The following WDR41 variants were observed in gnomAD, a reference collection of about 807,000 sequenced individuals.
WDR41 encodes WD repeat domain 41.
In WDR41, 63 loss-of-function variants were observed where a neutral mutation model predicts 69.3. The ratio of observed to expected loss-of-function variants is 0.91; its 90% confidence interval spans 0.74 to 1.12. The LOEUF (loss-of-function observed/expected upper bound fraction) is 1.12. Ranked by LOEUF, WDR41 falls within the 50% of genes most tolerant of loss-of-function variation. WDR41 has a pLI of 0.00. For synonymous variants in WDR41, 185 were observed against 192.1 expected, an observed-to-expected ratio of 0.96 and a Z score of 0.31; for missense variants, 543 against 534.5, an observed-to-expected ratio of 1.02 and a Z score of -0.16.
chr5:77,461,652 A>G (rs1217832157), intron 4 of WDR41, among the ~76,000 whole-genome samples: 1 of 152,118 alleles, frequency 6.6e-6, no homozygotes, highest in Non-Finnish European at 1.5e-5. Context: ...CCTGGCCAAT[A>G]TGGTGAAACC....
chr5:77,599,078 A>C lies in WDR41; in HGVS notation c.42+21401T>G, dbSNP rs550243096. ...TACTAATATTTCTAAAAAGTCTAAA[A>C]CCAGTTGCATATGTTCCTTTAATGA... On this transcript the variant is annotated intron_variant, in intron 1 of 5. Transcript: ENST00000509971. Among the ~76,000 whole-genome samples, 37 of 151,752 alleles carry C rather than the reference A, an allele frequency of 2.4e-4. 1 individual carries two copies. The highest frequency in any genetic ancestry group is 8.2e-4 in the African/African-American group (34 of 41,368).
At chr5:77,479,294 A>C (rs1237025322) in intron 2 of WDR41, among the ~76,000 whole-genome samples, 1 of 151,892 alleles carries the variant, frequency 6.6e-6, no homozygotes, top group Non-Finnish European at 1.5e-5. Context: ...GCTACCAATG[A>C]CTTTCTTCAC....
intron 9 of WDR41, among the ~76,000 whole-genome samples, chr5:77,440,304 A>T (rs1284833363): frequency 6.6e-6 from 1 of 152,220 alleles, no homozygotes; most frequent in East Asian, 1.9e-4. Flanking sequence ...AAGATTCAGT[A>T]GTCCATTGGT....
At chr5:77,449,930 C>A (rs1581705563) in intron 7 of WDR41, 60 bp from the exon 8 acceptor site, 3 of 1,045,464 alleles carry the variant, frequency 2.9e-6, no homozygotes, top group Non-Finnish European at 4.3e-6. Context: ...AAATACTACT[C>A]CTGCTCTAAA....
At chr5:77,503,916 G>A (rs6453312) in intron 1 of WDR41, among the ~76,000 whole-genome samples, 82,995 of 151,712 alleles carry the variant, frequency 0.55, 24,109 homozygotes, top group African/African-American at 0.73. Context: ...TGCCCACAAG[G>A]GAAAGCAGGA....
At chr5:77,614,270 A>C (rs1161586978) in intron 1 of WDR41, among the ~76,000 whole-genome samples, 4 of 150,760 alleles carry the variant, frequency 2.7e-5, no homozygotes, top group Non-Finnish European at 5.9e-5. Flanking sequence ...TAGAAATACC[A>C]TTTGACCCAG....
intron 1 of WDR41, among the ~76,000 whole-genome samples, chr5:77,615,141 C>G (rs1744652968): frequency 6.6e-6 from 1 of 152,084 alleles, no homozygotes; most frequent in African/African-American, 2.4e-5. Flanking sequence ...TTGCCCAACT[C>G]TACAAGTTTA....
intron 1 of WDR41, among the ~76,000 whole-genome samples, chr5:77,528,576 GA>G (rs1431776280): frequency 6.6e-6 from 1 of 151,520 alleles, no homozygotes; most frequent in Non-Finnish European, 1.5e-5. Context: ...AGAACATTTT[GA>G]AAAAGAAAAA....
At chr5:77,463,748 C>T (rs1442098769) in intron 3 of WDR41, among the ~76,000 whole-genome samples, 6 of 152,180 alleles carry the variant, frequency 3.9e-5, no homozygotes, top group African/African-American at 1.4e-4. Context: ...TCCTACCCAT[C>T]CAGTGTCTTC....
chr5:77,489,152 A>G (rs1447152785), intron 2 of WDR41, among the ~76,000 whole-genome samples: 7 of 152,198 alleles, frequency 4.6e-5, no homozygotes. Context: ...ATATACTGTT[A>G]TAACTCCTAC....
At chr5:77,578,258 A>G in intron 1 of WDR41, among the ~76,000 whole-genome samples, 1 of 152,194 alleles carries the variant, frequency 6.6e-6, no homozygotes, top group East Asian at 1.9e-4. Context: ...CCATAATGTC[A>G]TAGAGTTTAA....
intron 1 of WDR41, among the ~76,000 whole-genome samples, chr5:77,586,742 CAG>C (rs1473341686): frequency 7.8e-6 from 1 of 128,794 alleles, no homozygotes; most frequent in Admixed American, 8.8e-5. Flanking sequence ...TTTTTTGAGA[CAG>C]AGTCTCCCTC....
chr5:77,436,588 A>T (rs905469480), intron 11 of WDR41, among the ~76,000 whole-genome samples, 194 bp from the exon 12 acceptor site: 1 of 152,210 alleles, frequency 6.6e-6, no homozygotes, highest in Non-Finnish European at 1.5e-5. Context: ...TCTGTTCTTC[A>T]TCTCTTTTTA....
chr5:77,538,364 A>T (rs1445312651), intron 1 of WDR41, among the ~76,000 whole-genome samples: 2 of 152,144 alleles, frequency 1.3e-5, no homozygotes, highest in Non-Finnish European at 2.9e-5. Flanking sequence ...GTAGTGTGAC[A>T]CTGAGGTTTG....
chr5:77,471,274 G>A (rs1172591804), intron 2 of WDR41, among the ~76,000 whole-genome samples: 4 of 152,166 alleles, frequency 2.6e-5, no homozygotes, highest in Non-Finnish European at 5.9e-5. Context: ...CACATTCAAA[G>A]CAGTGTGTAG....
At chr5:77,525,155 C>G (rs1314149689) in intron 1 of WDR41, among the ~76,000 whole-genome samples, 1 of 152,120 alleles carries the variant, frequency 6.6e-6, no homozygotes, top group East Asian at 1.9e-4. Flanking sequence ...TAGAATAAGA[C>G]AACAGAGAAA....
chr5:77,609,638 A>C (rs1050215581), intron 1 of WDR41, among the ~76,000 whole-genome samples: 1 of 152,218 alleles, frequency 6.6e-6, no homozygotes, highest in African/African-American at 2.4e-5. Flanking sequence ...AAGGACATCC[A>C]CACCAAAAAC....
chr5:77,463,767 GTC>G (rs1161260146), intron 3 of WDR41, among the ~76,000 whole-genome samples: 1 of 152,094 alleles, frequency 6.6e-6, no homozygotes, highest in African/African-American at 2.4e-5. Context: ...TCATCCATCA[GTC>G]TCTGACTAAT....
intron 1 of WDR41, among the ~76,000 whole-genome samples, chr5:77,517,262 A>G (rs1346149403): frequency 2.0e-5 from 3 of 152,118 alleles, no homozygotes; most frequent in Non-Finnish European, 2.9e-5. Context: ...ATAGTAATGT[A>G]ATACAGTTCA....
Sources: gnomAD v4.1 joint callset for allele counts (sites outside exome capture counted in the v4.1 genomes callset) on GRCh38, gnomAD v4.1.1 for gene constraint, MANE v1.5 for transcripts, NCBI Gene and HGNC (gene_info 2026-07-23, HGNC 2026-07-21) for gene names.